COL23A1: variants seen among roughly 807,000 people sequenced by gnomAD.
COL23A1 encodes collagen type XXIII alpha 1 chain, also known as collagen alpha-1(XXIII) chain.
Under a neutral mutation model 99.3 loss-of-function variants are expected in COL23A1, and 97 were observed. The ratio of observed to expected loss-of-function variants is 0.98; its 90% CI spans 0.83 to 1.16. COL23A1 has a LOEUF of 1.16. Ranked by LOEUF, COL23A1 falls within the 50% of genes most tolerant of loss-of-function variation. The probability of loss-of-function intolerance (pLI) is 0.00; values close to 1 mark genes in which losing one functional copy is unlikely to be tolerated. For synonymous variants in COL23A1, 320 were observed against 308.2 expected, an observed-to-expected ratio of 1.04 and a Z score of -0.40; for missense variants, 762 against 757.4, an observed-to-expected ratio of 1.01 and a Z score of -0.07.
intron 2 of COL23A1, among the ~76,000 whole-genome samples, chr5:178,502,344 G>A (rs529193853): frequency 9.2e-4 from 140 of 152,306 alleles, no homozygotes; most frequent in Middle Eastern, 3.4e-3. Context: ...TGTTAGCCAG[G>A]ATGGTCTCGA....
chr5:178,516,247 C>T (rs1224451965), intron 2 of COL23A1, among the ~76,000 whole-genome samples: 1 of 152,228 alleles, frequency 6.6e-6, no homozygotes, highest in Non-Finnish European at 1.5e-5. Context: ...ACCCAAACAC[C>T]TGCAGAAGAA....
At chr5:178,285,582 C>A (rs1196157406) in intron 5 of COL23A1, among the ~76,000 whole-genome samples, 1 of 152,196 alleles carries the variant, frequency 6.6e-6, no homozygotes, top group African/African-American at 2.4e-5. Context: ...AGAAGGGCTG[C>A]CACACACAGG....
In COL23A1 at chr5:178,308,878, G is replaced by A. The variant is rs73344837; in HGVS notation, c.362-1959C>T. ...CCTGTTTTCAATGAGAGCGAGGTAC[G>A]GGAACGGGAGCCCCCCGGCACACGC... On this transcript the variant is annotated intron_variant, in intron 2 of 28. Transcript: ENST00000390654. This position sits in a 1 kb window ranked among gnomAD's most constrained non-coding sequence, Gnocchi z 5.1. Among the ~76,000 whole-genome samples the A allele has an allele frequency of 2.0e-5, 3 of 152,144 alleles. No homozygotes were observed. The highest frequency in any genetic ancestry group is 2.1e-4 in the South Asian group (1 of 4,834).
intron 2 of COL23A1, among the ~76,000 whole-genome samples, chr5:178,498,166 G>A (rs1030602525): frequency 2.3e-5 from 3 of 133,232 alleles, no homozygotes; most frequent in African/African-American, 5.5e-5. Flanking sequence ...AGGAGTTCGA[G>A]ACCAGCCTGG....
intron 2 of COL23A1, among the ~76,000 whole-genome samples, chr5:178,490,239 A>C (rs1757854861): frequency 6.6e-6 from 1 of 152,122 alleles, no homozygotes; most frequent in African/African-American, 2.4e-5. Flanking sequence ...AAAAAACAAA[A>C]AACAAAAAAC....
intron 2 of COL23A1, 131 bp downstream of exon 2, chr5:178,560,551 A>T: frequency 1.4e-6 from 1 of 701,276 alleles, no homozygotes; most frequent in Non-Finnish European, 2.3e-6. Flanking sequence ...TGGGAAAGAA[A>T]GGCCCCAGGC....
intron 2 of COL23A1, among the ~76,000 whole-genome samples, chr5:178,425,468 A>AATAT (rs1396238418): frequency 6.6e-6 from 1 of 150,874 alleles, no homozygotes; most frequent in Admixed American, 6.6e-5. Context: ...TAAATAAATA[A>AATAT]AAATAAAATA....
At chr5:178,473,808 C>T (rs1289661579) in intron 2 of COL23A1, among the ~76,000 whole-genome samples, 1 of 152,084 alleles carries the variant, frequency 6.6e-6, no homozygotes, top group East Asian at 1.9e-4. Context: ...CATCCAGCAC[C>T]CCTATGGGGT....
At chr5:178,584,236 C>T (rs1231154803) in intron 1 of COL23A1, among the ~76,000 whole-genome samples, 2 of 151,846 alleles carry the variant, frequency 1.3e-5, no homozygotes, top group South Asian at 2.1e-4. Flanking sequence ...TCTCGAACTC[C>T]TGACCTCAGG....
chr5:178,487,291 T>TTTTC (rs201541060), intron 2 of COL23A1, among the ~76,000 whole-genome samples: 1 of 109,012 alleles, frequency 9.2e-6, no homozygotes, highest in African/African-American at 3.7e-5. Context: ...GCCTCAGTTT[T>TTTTC]ATTTATTTAT....
chr5:178,436,187 G>T (rs1208861291), intron 2 of COL23A1, among the ~76,000 whole-genome samples: 2 of 152,186 alleles, frequency 1.3e-5, no homozygotes, highest in African/African-American at 4.8e-5. Flanking sequence ...GGAAAAGTTG[G>T]GGGTGAGGTA....
chr5:178,372,100 T>C (rs1016378474), intron 2 of COL23A1, among the ~76,000 whole-genome samples: 1 of 152,180 alleles, frequency 6.6e-6, no homozygotes, highest in Admixed American at 6.5e-5. Flanking sequence ...AATCAGGCAA[T>C]TTCACACACA....
chr5:178,358,296 G>GTGTGTATGTGTGTGTGTA (rs1561897122), intron 2 of COL23A1, among the ~76,000 whole-genome samples: 1 of 133,054 alleles, frequency 7.5e-6, no homozygotes, highest in African/African-American at 2.9e-5. Flanking sequence ...GTGCGTATAT[G>GTGTGTATGTGTGTGTGTA]TATGTATGTA....
chr5:178,351,011 C>T (rs1408971324), intron 2 of COL23A1: 1 of 152,246 alleles, frequency 6.6e-6, no homozygotes, highest in African/African-American at 2.4e-5. Flanking sequence ...GGGGTGGTCT[C>T]CTGGGGTTGC....
chr5:178,474,275 G>A (rs564637768), intron 2 of COL23A1, among the ~76,000 whole-genome samples: 8 of 152,256 alleles, frequency 5.3e-5, no homozygotes, highest in East Asian at 3.9e-4. Flanking sequence ...GGGTTATCCC[G>A]CCTAGTTCTT....
chr5:178,534,581 C>A (rs1335312062), intron 2 of COL23A1, among the ~76,000 whole-genome samples: 2 of 152,114 alleles, frequency 1.3e-5, no homozygotes, highest in African/African-American at 4.8e-5. Context: ...GAGTTTGAGA[C>A]CAGCTTGACC....
rs867330056 is a variant in COL23A1 at position 178,248,225 on chromosome 5, C to T, written c.1179G>A (p.Gly393=). The change falls in exon 20 of 29, where the codon GGG becomes GGA. Residue 393 remains glycine, a synonymous_variant. Transcript: ENST00000390654. The part of the protein sequence containing the change: ...PGADGLKGEK[G]ESASDSLQES... ...CCTGTAGGCTGTCAGACGCCGACTC[C>T]CCCTTCTCCCCCTTGAGGCCGTCAG... is the stretch of plus-strand genomic sequence containing the variant. 1 of 1,612,046 alleles carries T rather than the reference C, an allele frequency of 6.2e-7. No homozygotes were observed.
In COL23A1 at chr5:178,306,287, TTAGC is replaced by T; in HGVS notation, c.406+584_406+587del. Among the ~76,000 whole-genome samples the T allele has an allele frequency of 6.9e-6, 1 of 145,632 alleles. No homozygotes were observed. The highest frequency in any genetic ancestry group is 3.4e-3 in the Middle Eastern group (1 of 294). On this transcript the variant is annotated intron_variant, in intron 3 of 28. Coordinates refer to ENST00000390654, the MANE Select transcript of COL23A1 (RefSeq NM_173465.4). This position sits in a 1 kb window ranked among gnomAD's most constrained non-coding sequence, Gnocchi z 4.1. The stretch of plus-strand genomic sequence containing the variant: ...GTGGCCATCAGAGGTCAGCATGACT[TTAGC>T]TAAGACGATGTCAGAGGGGCTTAGG...
intron 2 of COL23A1, among the ~76,000 whole-genome samples, chr5:178,358,166 AATGTGTATGTGTATGT>A (rs1158606695): frequency 1.5e-5 from 2 of 136,228 alleles, no homozygotes; most frequent in Non-Finnish European, 1.6e-5. Flanking sequence ...GTGTATGTCT[AATGTGTATGTGTATGT>A]ATGTGTATGT....
Sources: gnomAD v4.1 joint callset for allele counts (sites outside exome capture counted in the v4.1 genomes callset) on GRCh38, gnomAD v4.1.1 for gene constraint, Gnocchi (gnomAD v3.1) non-coding constraint, MANE v1.5 for transcripts, NCBI Gene and HGNC (gene_info 2026-07-23, HGNC 2026-07-21) for gene names.